Variants in STPG1 observed in about 807,000 individuals in gnomAD.
STPG1 encodes the protein O(6)-methylguanine-induced apoptosis 2.
Under a neutral mutation model 40.1 loss-of-function variants are expected in STPG1, and 33 were observed. The ratio of observed to expected loss-of-function variants is 0.82; its 90% CI spans 0.62 to 1.10. The LOEUF is 1.10. Ranked by LOEUF, STPG1 falls within the 50% of genes least tolerant of loss-of-function variation. STPG1 has a pLI of 0.00. For synonymous variants in STPG1, 150 were observed against 155.0 expected (o/e 0.97, Z 0.24); for missense variants, 396 against 415.1 (o/e 0.95, Z 0.40).
chr1:24,385,800 C>T (rs1001328132), intron 3 of STPG1, among the ~76,000 whole-genome samples: 9 of 152,216 alleles, frequency 5.9e-5, no homozygotes, highest in African/African-American at 1.9e-4. Context: ...TGCTGCCACA[C>T]GCTAAGTGAT....
At chr1:24,371,545 T>G (rs1641739179) in intron 6 of STPG1, among the ~76,000 whole-genome samples, 1 of 150,100 alleles carries the variant, frequency 6.7e-6, no homozygotes, top group Admixed American at 6.6e-5. Flanking sequence ...GAGCCGAGAT[T>G]GCACCGTTGC....
chr1:24,405,590 A>G (rs1194611996), intron 1 of STPG1, among the ~76,000 whole-genome samples: 1 of 152,188 alleles, frequency 6.6e-6, no homozygotes, highest in Non-Finnish European at 1.5e-5. Flanking sequence ...TTTGCAATGT[A>G]TTCCTTCTAT....
Position 24,365,644 on chromosome 1 carries a change from C to T in STPG1, c.737+4030G>A, listed in dbSNP as rs1310274696. The stretch of plus-strand genomic sequence containing the variant: ...ACAGCATCCGCCCTGCGGGGCCACA[C>T]TAGAAACCCTAGGAAGACACAGAGG... On this transcript the variant is annotated intron_variant, in intron 7 of 8. Coordinates refer to ENST00000337248, the MANE Select transcript of STPG1 (RefSeq NM_001199013.2). 3.9e-5 allele frequency among the ~76,000 whole-genome samples: 6 copies of T among 152,218 alleles called. No homozygotes were observed. In the South Asian group the frequency reaches 1.0e-3, roughly 26 times the overall value.
chr1:24,383,765 T>C, intron 4 of STPG1, 137 bp downstream of exon 4: 2 of 630,132 alleles, frequency 3.2e-6, no homozygotes, highest in South Asian at 1.9e-5. Flanking sequence ...TGCATGAAAT[T>C]TGAGGAGGCA....
rs1643225149 is a variant in STPG1 at position 24,401,446 on chromosome 1, C to T, written c.-58G>A. 6.8e-7 allele frequency: 1 copy of T among 1,468,328 alleles called. No homozygotes were observed. The highest frequency in any genetic ancestry group is 1.4e-5 in the African/African-American group (1 of 71,570). 91.0% of individuals were successfully genotyped at this position (1,468,328 alleles called of 1,614,324 possible). ...TTGATGAAAAGTTCTACTGCATGTT[C>T]TCCTAAGCACCTGAAACAGCAAAAC... is the stretch of plus-strand genomic sequence containing the variant. On this transcript the variant is annotated 5_prime_UTR_variant, in exon 2 of 9. Coordinates refer to ENST00000337248, the MANE Select transcript of STPG1 (RefSeq NM_001199013.2).
chr1:24,363,470 G>T (rs1218637346), intron 7 of STPG1, among the ~76,000 whole-genome samples: 1 of 152,168 alleles, frequency 6.6e-6, no homozygotes, highest in East Asian at 1.9e-4. Flanking sequence ...GGCAGTACAG[G>T]CTTTGCACTC....
At position 24,369,381 on chromosome 1, in the gene STPG1, G is replaced by A. The variant is rs532724627; in HGVS notation, c.737+293C>T. The A allele has an allele frequency of 3.6e-4, 195 of 544,436 alleles. 1 individual carries two copies. Among genetic ancestry groups the A allele is most frequent in the African/African-American group, 1.1e-3 (59 of 53,114 alleles). 33.7% of individuals were successfully genotyped at this position (544,436 alleles called of 1,614,324 possible). On this transcript the variant is annotated intron_variant, in intron 7 of 8. Transcript: ENST00000337248. The stretch of plus-strand genomic sequence containing the variant: ...CTGTGTGGACTTGGGCAAATGTCCC[G>A]CCAAATCCGAAGCCTTGCTTCCTCC...
At chr1:24,406,993 A>T (rs1570105390) in intron 1 of STPG1, among the ~76,000 whole-genome samples, 1 of 152,204 alleles carries the variant, frequency 6.6e-6, no homozygotes, top group African/African-American at 2.4e-5. Context: ...TGAAAAACTG[A>T]AATGCTATAC....
chr1:24,358,692 C>G, intron 8 of STPG1, 73 bp from the exon 9 acceptor site: 1 of 1,271,060 alleles, frequency 7.9e-7, no homozygotes, highest in South Asian at 1.3e-5. Context: ...CATTCTACCT[C>G]AGAGCTGGAA....
At chr1:24,374,321 A>G (rs1346348120) in intron 5 of STPG1, among the ~76,000 whole-genome samples, 4 of 119,702 alleles carry the variant, frequency 3.3e-5, no homozygotes, top group South Asian at 2.9e-4. Flanking sequence ...TGCAGTGGCG[A>G]GATCTCCACT....
chr1:24,384,586 G>C (rs1007473463), intron 3 of STPG1, among the ~76,000 whole-genome samples: 2 of 152,238 alleles, frequency 1.3e-5, no homozygotes, highest in Non-Finnish European at 2.9e-5. Flanking sequence ...GCATGTGAGA[G>C]AGGAATAAGT....
chr1:24,379,872 A>G, intron 4 of STPG1, 49 bp from the exon 5 acceptor site: 1 of 1,580,120 alleles, frequency 6.3e-7, no homozygotes, highest in South Asian at 1.1e-5. Context: ...AATATTGTGG[A>G]TCTGAAGGAC....
chr1:24,409,948 G>GA (rs934825039), intron 1 of STPG1, among the ~76,000 whole-genome samples: 31 of 152,038 alleles, frequency 2.0e-4, no homozygotes, highest in Non-Finnish European at 2.8e-4. Context: ...AATAAGGCAA[G>GA]AAAAAAACTG....
intron 7 of STPG1, among the ~76,000 whole-genome samples, chr1:24,368,288 A>T (rs1553121602): frequency 6.6e-6 from 1 of 152,190 alleles, no homozygotes; most frequent in Non-Finnish European, 1.5e-5. Context: ...CCCTTGCCCT[A>T]GGCTGATGAT....
At chr1:24,390,573 C>A (rs773890245) in intron 3 of STPG1, among the ~76,000 whole-genome samples, 1 of 151,912 alleles carries the variant, frequency 6.6e-6, no homozygotes, top group African/African-American at 2.4e-5. Flanking sequence ...TGTGCGCCAC[C>A]ACTCCCAGCT....
chr1:24,408,615 C>A (rs1029535905), intron 1 of STPG1, among the ~76,000 whole-genome samples: 1 of 152,170 alleles, frequency 6.6e-6, no homozygotes, highest in South Asian at 2.1e-4. Flanking sequence ...TAGGACTCAC[C>A]GTGTTTTTCT....
intron 4 of STPG1, among the ~76,000 whole-genome samples, chr1:24,381,620 C>T (rs1321331660): frequency 1.3e-5 from 2 of 152,214 alleles, no homozygotes; most frequent in Non-Finnish European, 2.9e-5. Flanking sequence ...TTATATCATT[C>T]AGACTTAGAG....
At chr1:24,366,881 T>C (rs1332180512) in intron 7 of STPG1, among the ~76,000 whole-genome samples, 1 of 152,230 alleles carries the variant, frequency 6.6e-6, no homozygotes, top group Admixed American at 6.5e-5. Context: ...AGCGGGTTAA[T>C]AGGTTCCTTT....
intron 6 of STPG1, among the ~76,000 whole-genome samples, chr1:24,372,205 A>AC: frequency 6.6e-6 from 1 of 152,090 alleles, no homozygotes; most frequent in East Asian, 1.9e-4. Flanking sequence ...ACAAAACAAA[A>AC]ACAAAAAAAT....
Sources: gnomAD v4.1 joint callset for allele counts (sites outside exome capture counted in the v4.1 genomes callset) on GRCh38, gnomAD v4.1.1 for gene constraint, MANE v1.5 for transcripts, NCBI Gene and HGNC (gene_info 2026-07-23, HGNC 2026-07-21) for gene names.